CWC22: variants seen among roughly 807,000 people sequenced by gnomAD.
CWC22 encodes the protein CWC22 spliceosome associated protein.
Under a neutral mutation model 117.2 loss-of-function variants are expected in CWC22, and 53 were observed. The ratio of observed to expected loss-of-function variants is 0.45; its 90% CI spans 0.36 to 0.57. The LOEUF (loss-of-function observed/expected upper bound fraction) is 0.57, where lower values mean the gene tolerates loss of function less well. Ranked by LOEUF, CWC22 falls within the 20% of genes least tolerant of loss-of-function variation. The pLI is 0.00. For missense variants in CWC22, 980 were observed against 1,068.8 expected, an observed-to-expected ratio of 0.92 and a Z score of 1.16; for synonymous variants, 360 against 355.6, an observed-to-expected ratio of 1.01 and a Z score of -0.14.
At position 179,952,504 on chromosome 2, in the gene CWC22, C is replaced by A; in HGVS notation, c.1784G>T (p.Gly595Val). Residue 595 changes from glycine (G) to valine (V), a missense_variant, in exon 17 of 20, where the codon GGT becomes GTT. By Grantham distance (109) the Gly-to-Val change is moderately radical. Around this residue, in one of 3 missense-constraint regions of CWC22, gnomAD observed 115 missense variants for 169.8 expected, o/e 0.68. Transcript: ENST00000410053. ...TAATCTTGCATTAAGTTTAGGAAGA[C>A]CCATGTATTCACACAGTTCCTGGAA... ...IFFQELCEYM[G>V]LPKLNARLKD... 1.3e-6 allele frequency: 2 copies of A among 1,569,824 alleles called. No homozygotes were observed. Among genetic ancestry groups the A allele is most frequent in the African/African-American group, 1.4e-5 (1 of 73,840 alleles).
intron 2 of CWC22, among the ~76,000 whole-genome samples, chr2:179,990,269 A>T (rs1056981126): frequency 6.6e-6 from 1 of 152,172 alleles, no homozygotes; most frequent in African/African-American, 2.4e-5. Flanking sequence ...TTCAATATAT[A>T]TGACATAGGT....
intron 5 of CWC22, among the ~76,000 whole-genome samples, 186 bp from the exon 6 acceptor site, chr2:179,978,504 C>A (rs1051795043): frequency 6.6e-6 from 1 of 151,948 alleles, no homozygotes; most frequent in African/African-American, 2.4e-5. Context: ...ATTTGATTTT[C>A]TATACATATG....
In CWC22 at chr2:179,976,674, A is replaced by T. The variant is rs1687159674; in HGVS notation, c.581+1516T>A. On this transcript the variant is annotated intron_variant, in intron 6 of 19. Transcript: ENST00000410053. ...GAAATGCTAAACCTCACCAATTATC[A>T]AAGAAATACAAATTAAAACCACAAT... Among the ~76,000 whole-genome samples the T allele has an allele frequency of 2.6e-5, 4 of 152,222 alleles. No individual in the cohort carries two copies. The South Asian group carries it at 8.3e-4, about 31-fold the overall frequency.
intron 19 of CWC22, among the ~76,000 whole-genome samples, chr2:179,950,099 T>C (rs1456626450): frequency 6.6e-6 from 1 of 152,094 alleles, no homozygotes; most frequent in Non-Finnish European, 1.5e-5. Context: ...TTTATAAAAA[T>C]TCATATAGCA....
chr2:179,984,730 G>A (rs1687374548), intron 4 of CWC22, among the ~76,000 whole-genome samples: 1 of 152,034 alleles, frequency 6.6e-6, no homozygotes, highest in African/African-American at 2.4e-5. Context: ...GCAGAAAGAT[G>A]TCTATGAAGG....
intron 11 of CWC22, among the ~76,000 whole-genome samples, 193 bp downstream of exon 11, chr2:179,970,308 T>C (rs1686998715): frequency 6.6e-6 from 1 of 151,932 alleles, no homozygotes; most frequent in Non-Finnish European, 1.5e-5. Flanking sequence ...GGGTAAGTAA[T>C]TCAGAATGAA....
rs1686543954 is a variant in CWC22 at position 179,954,859 on chromosome 2, G to A, written c.1536+98C>T. 6 of 739,650 alleles carry A rather than the reference G, an allele frequency of 8.1e-6. No individual in the cohort carries two copies. In the South Asian group the frequency reaches 1.0e-4, roughly 13 times the overall value. The allele number at this position is 739,650 out of a possible 1,614,324, so 45.8% of individuals were successfully genotyped here. A position where few individuals can be genotyped will look rare whatever the true frequency, so the allele number is the denominator to read the frequency against. On this transcript the variant is annotated intron_variant, in intron 15 of 19. Transcript: ENST00000410053. The stretch of plus-strand genomic sequence containing the variant: ...AGAGAATAATTTGCTTTTAGCAAAA[G>A]TGGTAATATGTTTTTAAATGAGACC...
At chr2:179,972,841 A>G (rs1687065046) in intron 8 of CWC22, among the ~76,000 whole-genome samples, 1 of 151,936 alleles carries the variant, frequency 6.6e-6, no homozygotes, top group African/African-American at 2.4e-5. Context: ...CCCCGTCTCT[A>G]CTAAAAATAC....
chr2:179,949,133 A>G (rs572999215), intron 19 of CWC22, among the ~76,000 whole-genome samples: 25 of 152,352 alleles, frequency 1.6e-4, no homozygotes, highest in African/African-American at 5.8e-4. Flanking sequence ...AAGCAGAAAC[A>G]TTGAGAAGTA....
chr2:179,970,677 C>A lies in CWC22; in HGVS notation c.1120G>T (p.Asp374Tyr), dbSNP rs755962434. 6.2e-7 allele frequency: 1 copy of A among 1,613,340 alleles called. No homozygotes were observed. The highest frequency in any genetic ancestry group is 1.7e-5 in the Admixed American group (1 of 59,936). ...DQFTHMLPLE[D>Y]DYNPEDVLNV... is the part of the protein sequence containing the mutation. ...AGAACATCTTCTGGATTATAGTCAT[C>A]CTCCAGAGGGAGCATATGAGTGAAT... Residue 374 changes from aspartate to tyrosine, a missense_variant, in exon 10 of 20, where the codon GAT becomes TAT. Physicochemically the swap from Asp to Tyr is radical, Grantham distance 160. Coordinates refer to ENST00000410053, the MANE Select transcript of CWC22 (RefSeq NM_020943.3).
At chr2:179,998,928 T>C (rs943811964) in intron 1 of CWC22, among the ~76,000 whole-genome samples, 7 of 152,200 alleles carry the variant, frequency 4.6e-5, no homozygotes, top group African/African-American at 1.7e-4. Context: ...GCAATTTCTG[T>C]GCATTTTATT....
At chr2:179,994,311 GA>G (rs72135502) in intron 1 of CWC22, among the ~76,000 whole-genome samples, 12,728 of 151,252 alleles carry the variant, frequency 0.084, 1,072 homozygotes, top group Admixed American at 0.25. Context: ...AATACAACTG[GA>G]AAAAAAAATT....
intron 1 of CWC22, among the ~76,000 whole-genome samples, chr2:179,998,873 T>C (rs1687775541): frequency 6.6e-6 from 1 of 152,188 alleles, no homozygotes. Flanking sequence ...CCTGGAGTCT[T>C]ACACCCGGTT....
intron 13 of CWC22, among the ~76,000 whole-genome samples, chr2:179,963,335 C>T (rs990964977): frequency 1.3e-4 from 11 of 82,066 alleles, no homozygotes; most frequent in East Asian, 4.3e-4. Flanking sequence ...ATATTTAATA[C>T]TTTTTTTTTT....
rs1284208947 is a variant in CWC22, at chr2:179,950,824, C to T, written c.1919+1G>A. On this transcript the variant is annotated splice_donor_variant, in intron 18 of 19. Coordinates refer to ENST00000410053, the MANE Select transcript of CWC22 (RefSeq NM_020943.3). LOFTEE classifies it high-confidence loss of function. ...ACATAAATTCTGAGAATAATCCTTA[C>T]GTTAAACCTCCAAGACCTATAGAAG... 4 of 1,601,356 alleles carry T rather than the reference C, an allele frequency of 2.5e-6. No homozygotes were observed. The highest frequency in any genetic ancestry group is 2.6e-6 in the Non-Finnish European group (3 of 1,171,348).
At chr2:179,993,230 C>T (rs987613772) in intron 2 of CWC22, 85 bp downstream of exon 2, 2 of 1,027,788 alleles carry the variant, frequency 1.9e-6, no homozygotes, top group Non-Finnish European at 3.0e-6. Context: ...GCTCTGATGT[C>T]CTAATTACAT....
At chr2:179,986,873 A>T (rs543742236) in intron 3 of CWC22, 68 bp from the exon 4 acceptor site, 1 of 819,862 alleles carries the variant, frequency 1.2e-6, no homozygotes, top group Non-Finnish European at 1.9e-6. Flanking sequence ...TAGGAAAGTC[A>T]TATATTGGTA....
In CWC22 at chr2:179,952,550, T is replaced by G; in HGVS notation, c.1738A>C (p.Arg580=). ...LSEETTTSSS[R]IFVKIFFQEL... ...TGGAAAAATATTTTGACAAAAATTC[T>G]ACTGGATGATGTAGTGGTTTCTTCA... The change falls in exon 17 of 20, where the codon AGA becomes CGA. Residue 580 remains arginine (R), a synonymous_variant. Coordinates refer to ENST00000410053, the MANE Select transcript of CWC22 (RefSeq NM_020943.3). The G allele has an allele frequency of 1.3e-6, 2 of 1,535,898 alleles. No individual in the cohort carries two copies. Among genetic ancestry groups the G allele is most frequent in the East Asian group, 4.8e-5 (2 of 41,374 alleles).
At chr2:179,947,331 C>A (rs1389427444) in intron 19 of CWC22, among the ~76,000 whole-genome samples, 4 of 152,180 alleles carry the variant, frequency 2.6e-5, no homozygotes, top group Non-Finnish European at 5.9e-5. Flanking sequence ...TGGCTCTGTG[C>A]TAAACCAGCG....
Sources: allele counts gnomAD v4.1 joint callset (sites outside exome capture counted in the v4.1 genomes callset), GRCh38; gene constraint gnomAD v4.1.1; regional missense constraint gnomAD v4.1.1; transcripts MANE v1.5; gene names NCBI Gene and HGNC (gene_info 2026-07-23, HGNC 2026-07-21).